Variants in SLC35F3 observed in about 807,000 individuals in gnomAD.
SLC35F3 encodes putative thiamine transporter SLC35F3.
A neutral mutation model predicts 49.9 loss-of-function variants in SLC35F3; 25 were observed. The ratio of observed to expected loss-of-function variants is 0.50; its 90% CI spans 0.37 to 0.70. The LOEUF (loss-of-function observed/expected upper bound fraction) is 0.70, where lower values mean the gene tolerates loss of function less well. Among genes scored for constraint, SLC35F3 ranks in the 30% least tolerant of loss-of-function variants. SLC35F3 has a pLI of 0.00. For missense variants in SLC35F3, 525 were observed against 639.8 expected (o/e 0.82, Z 1.94); for synonymous variants, 275 against 265.4 (o/e 1.04, Z -0.35).
chr1:234,243,424 A>G (rs1437120003), intron 3 of SLC35F3, among the ~76,000 whole-genome samples: 1 of 152,102 alleles, frequency 6.6e-6, no homozygotes, highest in East Asian at 1.9e-4. Context: ...TAGATAACCG[A>G]CTGTTATTAA....
At chr1:233,929,212 A>G (rs4920236) in intron 2 of SLC35F3, among the ~76,000 whole-genome samples, 71,299 of 151,942 alleles carry the variant, frequency 0.47, 17,004 homozygotes, top group Admixed American at 0.62. Context: ...GCACACCTGA[A>G]TTCTAGTTTT....
intron 2 of SLC35F3, among the ~76,000 whole-genome samples, chr1:233,973,589 G>A (rs1663028952): frequency 6.6e-6 from 1 of 152,230 alleles, no homozygotes; most frequent in Non-Finnish European, 1.5e-5. Flanking sequence ...AAGCTTATGA[G>A]TTAGATGAGA....
intron 2 of SLC35F3, among the ~76,000 whole-genome samples, chr1:234,091,581 A>C (rs985107988): frequency 1.3e-5 from 2 of 152,228 alleles, no homozygotes; most frequent in African/African-American, 4.8e-5. Context: ...AGTCAAGCCA[A>C]AAAGCCAAAC....
chr1:234,040,103 T>C (rs1028708285), intron 2 of SLC35F3, among the ~76,000 whole-genome samples: 2 of 152,100 alleles, frequency 1.3e-5, no homozygotes, highest in African/African-American at 4.8e-5. Context: ...TACTGAGTGA[T>C]GGAAGTGGCT....
chr1:233,994,761 C>T lies in SLC35F3; in HGVS notation c.283+89003C>T, dbSNP rs114292466. On this transcript the variant is annotated intron_variant, in intron 2 of 7. Coordinates refer to ENST00000366618, the MANE Select transcript of SLC35F3 (RefSeq NM_173508.4). The stretch of plus-strand genomic sequence containing the variant: ...GGCTCTCACATGACTTTGGAAAAGG[C>T]GGTTCCCCAGCCCTCAATTTCCTCA... Among the ~76,000 whole-genome samples, 873 of 152,110 alleles carry T rather than the reference C, an allele frequency of 5.7e-3. 6 individuals carry two copies. The highest frequency in any genetic ancestry group is 0.019 in the African/African-American group (799 of 41,522).
At chr1:234,277,816 G>A (rs780199658) in intron 3 of SLC35F3, among the ~76,000 whole-genome samples, 3 of 152,238 alleles carry the variant, frequency 2.0e-5, no homozygotes, top group Non-Finnish European at 2.9e-5. Flanking sequence ...GAAGGCAAAC[G>A]ACACTGCGAA....
At chr1:233,990,539 G>A (rs1004646400) in intron 2 of SLC35F3, among the ~76,000 whole-genome samples, 34 of 152,188 alleles carry the variant, frequency 2.2e-4, no homozygotes, top group Non-Finnish European at 1.2e-4. Context: ...GAGACCTAAT[G>A]TACAGCATGG....
At chr1:234,186,670 T>C (rs138884462) in intron 2 of SLC35F3, among the ~76,000 whole-genome samples, 250 of 152,350 alleles carry the variant, frequency 1.6e-3, no homozygotes, top group African/African-American at 5.2e-3. Context: ...GGTCTGATCA[T>C]GGGTCCACCA....
intron 2 of SLC35F3, among the ~76,000 whole-genome samples, chr1:233,991,012 C>T (rs1663347462): frequency 6.6e-6 from 1 of 152,156 alleles, no homozygotes; most frequent in South Asian, 2.1e-4. Flanking sequence ...GTGAACTCTC[C>T]AAGGCCCCTC....
At chr1:234,062,978 C>T (rs1205927955) in intron 2 of SLC35F3, among the ~76,000 whole-genome samples, 1 of 151,974 alleles carries the variant, frequency 6.6e-6, no homozygotes, top group Non-Finnish European at 1.5e-5. Flanking sequence ...TGTGAGCCAC[C>T]ATGCCCGGCC....
Position 233,990,260 on chromosome 1 carries a change from G to A in SLC35F3, c.283+84502G>A, listed in dbSNP as rs1663331422. ...TAAAAGTGACTCACATATACTAGAAGTGCATGCTCAAGTTTTATTTTAGTG... is the reference window on the plus strand; with the variant it reads ...TAAAAGTGACTCACATATACTAGAAATGCATGCTCAAGTTTTATTTTAGTG... On this transcript the variant is annotated intron_variant, in intron 2 of 7. Transcript: ENST00000366618. Among the ~76,000 whole-genome samples, 4 of 152,130 alleles carry A rather than the reference G, an allele frequency of 2.6e-5. No homozygotes were observed. In the Middle Eastern group the frequency reaches 0.01, roughly 391 times the overall value.
At chr1:233,951,357 G>T (rs182284099) in intron 2 of SLC35F3, among the ~76,000 whole-genome samples, 8 of 151,582 alleles carry the variant, frequency 5.3e-5, no homozygotes, top group Non-Finnish European at 8.8e-5. Flanking sequence ...AGGCCTTCAC[G>T]TTCACCCACC....
At chr1:234,201,869 C>T (rs866169635) in intron 2 of SLC35F3, among the ~76,000 whole-genome samples, 14 of 148,396 alleles carry the variant, frequency 9.4e-5, no homozygotes, top group Admixed American at 6.1e-4. Flanking sequence ...GCCGAGACTG[C>T]GCCACTGCAC....
chr1:234,214,397 G>T lies in SLC35F3; in HGVS notation c.284-17020G>T. ...GGGCGAGCCGCTGGTGCTCCCCGGC[G>T]GCAGAGGGCCGCGTCGGCCACGGGC... On this transcript the variant is annotated intron_variant, in intron 2 of 7. Transcript: ENST00000366618. This position sits in a 1 kb window ranked among gnomAD's most constrained non-coding sequence, Gnocchi z 8.0. The T allele has an allele frequency of 2.9e-6, 4 of 1,370,808 alleles. No homozygotes were observed. Among genetic ancestry groups the T allele is most frequent in the Non-Finnish European group, 3.8e-6 (4 of 1,060,452 alleles). The allele number at this position is 1,370,808 out of a possible 1,614,324, so 84.9% of individuals were successfully genotyped here.
intron 2 of SLC35F3, among the ~76,000 whole-genome samples, chr1:234,040,404 A>G (rs1300735513): frequency 1.3e-5 from 2 of 152,212 alleles, no homozygotes; most frequent in Non-Finnish European, 2.9e-5. Flanking sequence ...AAATAGGGAT[A>G]GAAGTTCTCG....
intron 3 of SLC35F3, among the ~76,000 whole-genome samples, chr1:234,270,830 G>T (rs1261894264): frequency 6.6e-6 from 1 of 152,216 alleles, no homozygotes; most frequent in Admixed American, 6.5e-5. Context: ...GGCTTGTCAA[G>T]GTGGGAGGCA....
At chr1:234,304,180 G>T (rs1324479882) in intron 3 of SLC35F3, among the ~76,000 whole-genome samples, 1 of 144,738 alleles carries the variant, frequency 6.9e-6, no homozygotes, top group Non-Finnish European at 1.5e-5. Flanking sequence ...ATTTTTTTTT[G>T]AGACAGAGTC....
intron 2 of SLC35F3, among the ~76,000 whole-genome samples, chr1:233,908,536 C>CTTTTTTTTT (rs898041195): frequency 2.4e-5 from 2 of 84,880 alleles, no homozygotes; most frequent in Non-Finnish European, 4.6e-5. Context: ...GTAAAGGATT[C>CTTTTTTTTT]TTTTTTTTTT....
chr1:234,142,280 A>T (rs548700486), intron 2 of SLC35F3, among the ~76,000 whole-genome samples: 39 of 152,320 alleles, frequency 2.6e-4, no homozygotes, highest in African/African-American at 8.9e-4. Context: ...GAAAAAAAAG[A>T]TGTTTAGACC....
Sources: gnomAD v4.1 joint callset for allele counts (sites outside exome capture counted in the v4.1 genomes callset) on GRCh38, gnomAD v4.1.1 for gene constraint, Gnocchi (gnomAD v3.1) non-coding constraint, MANE v1.5 for transcripts, NCBI Gene and HGNC (gene_info 2026-07-23, HGNC 2026-07-21) for gene names.